The following PLCB1 variants were observed in gnomAD, a reference collection of about 807,000 sequenced individuals.
The protein encoded by PLCB1 is phospholipase C beta 1.
A neutral mutation model predicts 161.8 loss-of-function variants in PLCB1; 46 were observed. The observed-to-expected ratio is 0.28, with a 90% CI of 0.22 to 0.36. PLCB1 has a LOEUF of 0.36. Among genes scored for constraint, PLCB1 ranks in the 10% least tolerant of loss-of-function variants. The probability of loss-of-function intolerance (pLI) is 1.00; values close to 1 mark genes in which losing one functional copy is unlikely to be tolerated. For synonymous variants in PLCB1, 517 were observed against 503.7 expected, an observed-to-expected ratio of 1.03 and a Z score of -0.35; for missense variants, 1,016 against 1,472.5, an observed-to-expected ratio of 0.69 and a Z score of 5.07.
chr20:8,698,557 A>C (rs1265648707), intron 11 of PLCB1, among the ~76,000 whole-genome samples: 1 of 152,196 alleles, frequency 6.6e-6, no homozygotes, highest in African/African-American at 2.4e-5. Context: ...GACGTCTATC[A>C]GTCAAAGACC....
intron 10 of PLCB1, among the ~76,000 whole-genome samples, chr20:8,697,051 A>T (rs1312562657): frequency 1.3e-5 from 2 of 151,026 alleles, no homozygotes; most frequent in African/African-American, 2.4e-5. Flanking sequence ...ATTTTTTTTT[A>T]AAGAGCACTT....
chr20:8,596,973 A>G (rs1271451194), intron 3 of PLCB1, among the ~76,000 whole-genome samples: 1 of 151,980 alleles, frequency 6.6e-6, no homozygotes, highest in African/African-American at 2.4e-5. Context: ...ACTTTGCTGA[A>G]GTTGCTTATC....
Position 8,281,832 on chromosome 20 carries a change from G to A in PLCB1, c.178-89550G>A, listed in dbSNP as rs959779782. 2.8e-4 allele frequency among the ~76,000 whole-genome samples: 43 copies of A among 151,992 alleles called. 1 individual carries two copies. The highest frequency in any genetic ancestry group is 8.8e-5 in the Non-Finnish European group (6 of 67,954). The stretch of plus-strand genomic sequence containing the variant: ...CATACCTACTACAACAACAGGGATT[G>A]TTCTAAATGCTGTCTACCTACTAAC... On this transcript the variant is annotated intron_variant, in intron 2 of 31. Coordinates refer to ENST00000338037, the MANE Select transcript of PLCB1 (RefSeq NM_015192.4).
Position 8,884,027 on chromosome 20 carries a change from A to G in PLCB1, c.*2178A>G, listed in dbSNP as rs1568636884. On this transcript the variant is annotated 3_prime_UTR_variant, in exon 32 of 32. Coordinates refer to ENST00000338037, the MANE Select transcript of PLCB1 (RefSeq NM_015192.4). The stretch of plus-strand genomic sequence containing the variant: ...AACATTGTATCACATTTTAGTCCAG[A>G]GATAGAATAAAGTTGAATAACCTTG... 6.6e-6 allele frequency: 1 copy of G among 152,166 alleles called. No homozygotes were observed. Among genetic ancestry groups the G allele is most frequent in the African/African-American group, 2.4e-5 (1 of 41,306 alleles). The allele number at this position is 152,166 out of a possible 1,614,324, so 9.4% of individuals were successfully genotyped here. A position where few individuals can be genotyped will look rare whatever the true frequency, so the allele number is the denominator to read the frequency against.
At chr20:8,538,976 A>G (rs1026088109) in intron 3 of PLCB1, among the ~76,000 whole-genome samples, 7 of 151,946 alleles carry the variant, frequency 4.6e-5, no homozygotes. Context: ...TATTTTCAGT[A>G]GAGACAGGGT....
At chr20:8,853,857 C>A (rs1600096361) in intron 31 of PLCB1, among the ~76,000 whole-genome samples, 1 of 152,194 alleles carries the variant, frequency 6.6e-6, no homozygotes, top group East Asian at 1.9e-4. Context: ...TGTGTGTAAG[C>A]TTCAAAGCGT....
intron 31 of PLCB1, among the ~76,000 whole-genome samples, chr20:8,836,181 A>G (rs1405665597): frequency 1.3e-5 from 2 of 152,172 alleles, no homozygotes; most frequent in Non-Finnish European, 2.9e-5. Flanking sequence ...GCATATTGTC[A>G]CTTTGACCAC....
chr20:8,219,547 C>T, intron 2 of PLCB1, among the ~76,000 whole-genome samples: 1 of 152,268 alleles, frequency 6.6e-6, no homozygotes, highest in African/African-American at 2.4e-5. Flanking sequence ...TTAGCATTGT[C>T]TTAGCTTGCC....
At chr20:8,559,225 A>G (rs903400803) in intron 3 of PLCB1, among the ~76,000 whole-genome samples, 3 of 151,986 alleles carry the variant, frequency 2.0e-5, no homozygotes, top group African/African-American at 4.8e-5. Context: ...AGAGCAAAGT[A>G]ATTGTATACT....
chr20:8,573,693 TG>T lies in PLCB1; in HGVS notation c.247-54600del, dbSNP rs374135750. Among the ~76,000 whole-genome samples, 59 of 152,340 alleles carry T rather than the reference TG, an allele frequency of 3.9e-4. 1 individual carries two copies. The South Asian group carries it at 0.012, about 32-fold the overall frequency. Reference sequence around the variant, plus strand: ...TGACTTTGGCTTTCACTTTGATCTCTGTTAATCAAGATTTACTCTGAGCTCC... The same window carrying T: ...TGACTTTGGCTTTCACTTTGATCTCTTTAATCAAGATTTACTCTGAGCTCC... On this transcript the variant is annotated intron_variant, in intron 3 of 31. Coordinates refer to ENST00000338037, the MANE Select transcript of PLCB1 (RefSeq NM_015192.4).
Position 8,371,403 on chromosome 20 carries a change from A to G in PLCB1, c.199A>G (p.Ser67Gly), listed in dbSNP as rs1986899325. ...CCAGGAGACAGAGCTACTGGATCTC[A>G]GCCTTGTCAAAGATGCCAGATGTGG... Reference protein sequence around the residue: ...QNKETELLDLSLVKDARCGRH... With the variant: ...QNKETELLDLGLVKDARCGRH... The change falls in exon 3 of 32, where the codon AGC (serine) becomes GGC (glycine). Residue 67 changes from serine to glycine, a missense_variant. Ser to Gly is a moderately conservative substitution (Grantham distance 56). Transcript: ENST00000338037. The G allele has an allele frequency of 6.2e-7, 1 of 1,611,606 alleles. No homozygotes were observed. The highest frequency in any genetic ancestry group is 8.5e-7 in the Non-Finnish European group (1 of 1,177,896).
chr20:8,520,690 T>C (rs1984313305), intron 3 of PLCB1, among the ~76,000 whole-genome samples: 1 of 152,248 alleles, frequency 6.6e-6, no homozygotes, highest in Non-Finnish European at 1.5e-5. Flanking sequence ...AGGCAACTGC[T>C]ATCCAATTTC....
Position 8,365,884 on chromosome 20 carries a change from G to A in PLCB1, c.178-5498G>A, listed in dbSNP as rs185571635. Reference sequence around the variant, plus strand: ...AACCTGAAACACATTATTATATTGGGTGACTAATGGAATTCAATAACAATG... The same window carrying A: ...AACCTGAAACACATTATTATATTGGATGACTAATGGAATTCAATAACAATG... On this transcript the variant is annotated intron_variant, in intron 2 of 31. Coordinates refer to ENST00000338037, the MANE Select transcript of PLCB1 (RefSeq NM_015192.4). Among the ~76,000 whole-genome samples the A allele has an allele frequency of 4.6e-5, 7 of 152,214 alleles. No homozygotes were observed. In the East Asian group the frequency reaches 1.4e-3, roughly 29 times the overall value.
intron 1 of PLCB1, among the ~76,000 whole-genome samples, chr20:8,138,742 C>G (rs73078250): frequency 9.2e-5 from 14 of 152,266 alleles, no homozygotes; most frequent in Admixed American, 1.3e-4. Flanking sequence ...TATAAAGGAA[C>G]TAACTAATTG....
In PLCB1 at chr20:8,644,433, G is replaced by A. The variant is rs529710489; in HGVS notation, c.385-1669G>A. On this transcript the variant is annotated intron_variant, in intron 4 of 31. Coordinates refer to ENST00000338037, the MANE Select transcript of PLCB1 (RefSeq NM_015192.4). ...ACCCATCGTCTGAGATGTGGGGAGC[G>A]CCTCTGCCCCGCCGCCCCATCTGGG... Among the ~76,000 whole-genome samples the A allele has an allele frequency of 1.5e-3, 218 of 149,406 alleles. 2 individuals carry two copies. The highest frequency in any genetic ancestry group is 6.8e-3 in the Middle Eastern group (2 of 292).
chr20:8,525,820 A>C (rs1984564963), intron 3 of PLCB1, among the ~76,000 whole-genome samples: 1 of 151,576 alleles, frequency 6.6e-6, no homozygotes, highest in Admixed American at 6.6e-5. Flanking sequence ...GATGATGATG[A>C]GTAGCTCTAT....
At chr20:8,238,563 T>C (rs937115817) in intron 2 of PLCB1, among the ~76,000 whole-genome samples, 1 of 150,694 alleles carries the variant, frequency 6.6e-6, no homozygotes, top group African/African-American at 2.4e-5. Flanking sequence ...TAGACAGAAG[T>C]ATAAGGACTC....
intron 2 of PLCB1, among the ~76,000 whole-genome samples, chr20:8,278,969 A>G (rs913301273): frequency 9.7e-5 from 11 of 113,904 alleles, no homozygotes; most frequent in African/African-American, 5.2e-4. Context: ...ACGACTATAC[A>G]GTGTTTTTTA....
intron 3 of PLCB1, among the ~76,000 whole-genome samples, chr20:8,395,976 A>G (rs1420957289): frequency 6.6e-6 from 1 of 152,054 alleles, no homozygotes; most frequent in African/African-American, 2.4e-5. Flanking sequence ...AAGTGTCTGG[A>G]AACTCATCAA....
Sources: gnomAD v4.1 joint callset for allele counts (sites outside exome capture counted in the v4.1 genomes callset) on GRCh38, gnomAD v4.1.1 for gene constraint, MANE v1.5 for transcripts, NCBI Gene and HGNC (gene_info 2026-07-23, HGNC 2026-07-21) for gene names.